The following INTS9 variants were observed in gnomAD, a reference collection of about 807,000 sequenced individuals.
The protein encoded by INTS9 is integrator complex subunit 9.
In INTS9, 55 loss-of-function variants were observed where a neutral mutation model predicts 79.7. That is an observed-to-expected ratio of 0.69 (90% CI 0.56 to 0.86). INTS9 has a LOEUF of 0.86. Ranked by LOEUF, INTS9 falls within the 40% of genes least tolerant of loss-of-function variation. INTS9 has a pLI of 0.00. For synonymous variants in INTS9, 319 were observed against 325.2 expected, an observed-to-expected ratio of 0.98 and a Z score of 0.20; for missense variants, 721 against 831.5, an observed-to-expected ratio of 0.87 and a Z score of 1.64.
At chr8:28,805,165 C>G (rs1585383696) in intron 8 of INTS9, among the ~76,000 whole-genome samples, 1 of 152,096 alleles carries the variant, frequency 6.6e-6, no homozygotes, top group East Asian at 1.9e-4. Context: ...AATTTTAAAA[C>G]TTACAAATAT....
intron 2 of INTS9, among the ~76,000 whole-genome samples, chr8:28,858,111 G>A (rs867766291): frequency 2.7e-4 from 41 of 152,142 alleles, no homozygotes; most frequent in African/African-American, 8.9e-4. Context: ...GTCTGCCCTC[G>A]TCCAGTTCTC....
chr8:28,853,762 C>T (rs149947562), intron 2 of INTS9, among the ~76,000 whole-genome samples: 5 of 151,836 alleles, frequency 3.3e-5, no homozygotes, highest in African/African-American at 9.7e-5. Flanking sequence ...GAACATTATA[C>T]GTAATTTCTT....
chr8:28,827,210 T>C (rs183552470), intron 6 of INTS9, among the ~76,000 whole-genome samples: 73 of 152,360 alleles, frequency 4.8e-4, no homozygotes, highest in Non-Finnish European at 7.9e-4. Flanking sequence ...AAATGTTTCA[T>C]AAGTACTTTC....
intron 1 of INTS9, among the ~76,000 whole-genome samples, chr8:28,880,529 G>C (rs555124038): frequency 6.6e-6 from 1 of 151,808 alleles, no homozygotes; most frequent in African/African-American, 2.4e-5. Context: ...CCGAGGTGCC[G>C]GGATTGCAGA....
At chr8:28,866,873 G>A (rs1267182704) in intron 1 of INTS9, among the ~76,000 whole-genome samples, 2 of 152,152 alleles carry the variant, frequency 1.3e-5, no homozygotes, top group Non-Finnish European at 2.9e-5. Context: ...TACTCAGGAG[G>A]CTGAGGCAGG....
At chr8:28,851,598 T>C (rs927589035) in intron 2 of INTS9, among the ~76,000 whole-genome samples, 10 of 151,762 alleles carry the variant, frequency 6.6e-5, no homozygotes, top group Admixed American at 6.6e-4. Context: ...CCACCACACC[T>C]GGCTAATTTT....
At chr8:28,888,856 T>C (rs1163718609) in intron 1 of INTS9, among the ~76,000 whole-genome samples, 1 of 152,150 alleles carries the variant, frequency 6.6e-6, no homozygotes, top group Non-Finnish European at 1.5e-5. Context: ...GTAGGTGTGT[T>C]GTGTGGTTTG....
intron 2 of INTS9, among the ~76,000 whole-genome samples, chr8:28,857,834 T>C (rs1418758103): frequency 6.6e-6 from 1 of 152,194 alleles, no homozygotes; most frequent in Non-Finnish European, 1.5e-5. Flanking sequence ...TAATAAGTGC[T>C]ACGAAGACAA....
chr8:28,834,628 C>G (rs1025220210), intron 6 of INTS9, among the ~76,000 whole-genome samples: 1 of 151,742 alleles, frequency 6.6e-6, no homozygotes, highest in Non-Finnish European at 1.5e-5. Context: ...CCTTCCTAAG[C>G]AGAGTTCTTC....
chr8:28,790,780 T>C (rs1585358430), intron 10 of INTS9, among the ~76,000 whole-genome samples: 1 of 152,358 alleles, frequency 6.6e-6, no homozygotes, highest in Middle Eastern at 3.4e-3. Flanking sequence ...CATTCATTCT[T>C]GTGGCAATCC....
intron 11 of INTS9, chr8:28,783,962 T>C (rs1267914673): frequency 6.6e-6 from 1 of 152,254 alleles, no homozygotes; most frequent in Non-Finnish European, 1.5e-5. Flanking sequence ...CCTGTAGCTC[T>C]ACTGATCAAT....
chr8:28,860,379 A>T (rs1808390157), intron 1 of INTS9, among the ~76,000 whole-genome samples: 1 of 152,240 alleles, frequency 6.6e-6, no homozygotes, highest in Admixed American at 6.5e-5. Flanking sequence ...AAATGGAAGA[A>T]GACCCTTTCC....
intron 12 of INTS9, chr8:28,780,223 G>A (rs1327241019): frequency 6.6e-6 from 1 of 151,734 alleles, no homozygotes; most frequent in Non-Finnish European, 8.7e-6. Flanking sequence ...GATGACTGAT[G>A]AGCTAAAAAA....
rs374455013 is a variant in INTS9 at position 28,801,963 on chromosome 8, C to T, written c.745-5308G>A. Among the ~76,000 whole-genome samples, 10 of 152,252 alleles carry T rather than the reference C, an allele frequency of 6.6e-5. 1 individual carries two copies. Among genetic ancestry groups the T allele is most frequent in the African/African-American group, 2.4e-4 (10 of 41,562 alleles). ...GAAAATGAGCCAATAGGAGCATTCCCCTGACCTTCAAAGGGAAAAGGATCA... is the reference window on the plus strand; with the variant it reads ...GAAAATGAGCCAATAGGAGCATTCCTCTGACCTTCAAAGGGAAAAGGATCA... On this transcript the variant is annotated intron_variant, in intron 8 of 16. Coordinates refer to ENST00000521022, the MANE Select transcript of INTS9 (RefSeq NM_018250.4).
intron 13 of INTS9, among the ~76,000 whole-genome samples, chr8:28,776,790 G>A (rs1283831620): frequency 3.9e-5 from 6 of 152,182 alleles, no homozygotes; most frequent in African/African-American, 1.4e-4. Context: ...CACCTAAAGT[G>A]GAGACCAGGT....
intron 6 of INTS9, among the ~76,000 whole-genome samples, chr8:28,828,017 A>G (rs1246341887): frequency 6.6e-6 from 1 of 152,210 alleles, no homozygotes; most frequent in Admixed American, 6.5e-5. Context: ...GAAACGGTGA[A>G]GTGACCAGAA....
Position 28,788,921 on chromosome 8 carries a change from C to T in INTS9, c.1038-1032G>A, listed in dbSNP as rs543214451. Reference sequence around the variant, plus strand: ...TAAATCAATATATGTGGGTGTTGTGCAGGTTTGACATTTAAAAAAATAGTC... The same window carrying T: ...TAAATCAATATATGTGGGTGTTGTGTAGGTTTGACATTTAAAAAAATAGTC... On this transcript the variant is annotated intron_variant, in intron 10 of 16. Transcript: ENST00000521022. 5.5e-4 allele frequency among the ~76,000 whole-genome samples: 84 copies of T among 152,316 alleles called. 1 individual carries two copies. Among genetic ancestry groups the T allele is most frequent in the African/African-American group, 2.0e-3 (82 of 41,564 alleles).
At chr8:28,806,370 A>G (rs1804813616) in intron 8 of INTS9, among the ~76,000 whole-genome samples, 1 of 152,258 alleles carries the variant, frequency 6.6e-6, no homozygotes, top group African/African-American at 2.4e-5. Flanking sequence ...ATAAAACACA[A>G]TGATCATGAA....
intron 14 of INTS9, among the ~76,000 whole-genome samples, chr8:28,774,501 A>T (rs996500410): frequency 7.2e-5 from 11 of 152,260 alleles, no homozygotes; most frequent in African/African-American, 2.7e-4. Context: ...CCCCTGTAAA[A>T]TACCAGACAA....
Sources: allele counts gnomAD v4.1 joint callset (sites outside exome capture counted in the v4.1 genomes callset), GRCh38; gene constraint gnomAD v4.1.1; transcripts MANE v1.5; gene names NCBI Gene and HGNC (gene_info 2026-07-23, HGNC 2026-07-21).